SLC35B4: variants seen among roughly 807,000 people sequenced by gnomAD.
SLC35B4 encodes the protein solute carrier family 35 member B4.
Under a neutral mutation model 39.5 loss-of-function variants are expected in SLC35B4, and 28 were observed. The ratio of observed to expected loss-of-function variants is 0.71; its 90% CI spans 0.53 to 0.97. The LOEUF (loss-of-function observed/expected upper bound fraction) is 0.97, where lower values mean the gene tolerates loss of function less well. Among genes scored for constraint, SLC35B4 ranks in the 50% least tolerant of loss-of-function variants. The probability of loss-of-function intolerance (pLI) is 0.00; values close to 1 mark genes in which losing one functional copy is unlikely to be tolerated. For missense variants in SLC35B4, 334 were observed against 414.3 expected, an observed-to-expected ratio of 0.81 and a Z score of 1.68; for synonymous variants, 145 against 150.4, an observed-to-expected ratio of 0.96 and a Z score of 0.26.
chr7:134,297,958 G>A (rs1803503458), intron 8 of SLC35B4, among the ~76,000 whole-genome samples: 1 of 152,124 alleles, frequency 6.6e-6, no homozygotes, highest in Admixed American at 6.5e-5. Context: ...TTTGTGGGAG[G>A]AAATAAGATG....
At chr7:134,306,802 A>G in intron 2 of SLC35B4, 28 bp from the exon 3 acceptor site, 1 of 1,549,784 alleles carries the variant, frequency 6.5e-7, no homozygotes, top group Non-Finnish European at 8.9e-7. Context: ...CAGCTCATCA[A>G]ACAGAATCTA....
chr7:134,294,616 C>T lies in SLC35B4; in HGVS notation c.*217G>A, dbSNP rs2241335. On this transcript the variant is annotated 3_prime_UTR_variant, in exon 10 of 10. Coordinates refer to ENST00000378509, the MANE Select transcript of SLC35B4 (RefSeq NM_032826.5). ...TAAATGAATGGGCTGTTCAATAGTC[C>T]AGAACTGTTCTTTTTTCTATTTTAG... The T allele has an allele frequency of 0.46, 248,674 of 535,064 alleles. 59,567 individuals are homozygous for T. The highest frequency in any genetic ancestry group is 0.56 in the Admixed American group (17,960 of 32,156). 33.1% of individuals were successfully genotyped at this position (535,064 alleles called of 1,614,324 possible).
intron 9 of SLC35B4, among the ~76,000 whole-genome samples, chr7:134,296,078 C>T (rs1211805293): frequency 6.6e-6 from 1 of 152,086 alleles, no homozygotes; most frequent in Non-Finnish European, 1.5e-5. Context: ...ATCTGCCCGC[C>T]TCGGCCTCCT....
Position 134,290,503 on chromosome 7 carries a change from C to T in SLC35B4, c.*4330G>A, listed in dbSNP as rs1205500090. ...GTAAGACATGATCCCTGGCCCCTCC[C>T]ATCCCTGGAATGTCTACTAGGAAGA... On this transcript the variant is annotated 3_prime_UTR_variant, in exon 10 of 10. Coordinates refer to ENST00000378509, the MANE Select transcript of SLC35B4 (RefSeq NM_032826.5). 1 of 152,190 alleles carries T rather than the reference C, an allele frequency of 6.6e-6. No individual in the cohort carries two copies. The highest frequency in any genetic ancestry group is 6.5e-5 in the Admixed American group (1 of 15,282). The allele number at this position is 152,190 out of a possible 1,614,324, so 9.4% of individuals were successfully genotyped here.
chr7:134,310,198 T>C (rs1011717754), intron 1 of SLC35B4, among the ~76,000 whole-genome samples: 2 of 152,222 alleles, frequency 1.3e-5, no homozygotes, highest in Non-Finnish European at 2.9e-5. Context: ...TACTATTCTC[T>C]ACAGCTCTTA....
chr7:134,316,639 C>T (rs374155398), intron 1 of SLC35B4, 36 bp downstream of exon 1: 3 of 1,546,994 alleles, frequency 1.9e-6, no homozygotes, highest in Non-Finnish European at 1.7e-6. Context: ...CCGCCCCGCC[C>T]CGGGAGACCG....
At position 134,294,625 on chromosome 7, in the gene SLC35B4, T is replaced by C; in HGVS notation, c.*208A>G. Reference sequence around the variant, plus strand: ...GGGCTGTTCAATAGTCCAGAACTGTTCTTTTTTCTATTTTAGGGCTGAGGG... The same window carrying C: ...GGGCTGTTCAATAGTCCAGAACTGTCCTTTTTTCTATTTTAGGGCTGAGGG... On this transcript the variant is annotated 3_prime_UTR_variant, in exon 10 of 10. Coordinates refer to ENST00000378509, the MANE Select transcript of SLC35B4 (RefSeq NM_032826.5). The C allele has an allele frequency of 3.6e-6, 2 of 562,256 alleles. No individual in the cohort carries two copies. Among genetic ancestry groups the C allele is most frequent in the Non-Finnish European group, 6.3e-6 (2 of 319,108 alleles). The allele number at this position is 562,256 out of a possible 1,614,324, so 34.8% of individuals were successfully genotyped here.
rs769134685 is a variant in SLC35B4, at chr7:134,306,671, C to T, written c.294+1G>A. 49 of 1,612,288 alleles carry T rather than the reference C, an allele frequency of 3.0e-5. No individual in the cohort carries two copies. Among genetic ancestry groups the T allele is most frequent in the Non-Finnish European group, 3.9e-5 (46 of 1,178,862 alleles). ...TATACACGTGATCCGGCAGCACTTA[C>T]GGATCTAAATATCATATGCAGGGGC... On this transcript the variant is annotated splice_donor_variant, in intron 3 of 9. Transcript: ENST00000378509. LOFTEE classifies it high-confidence loss of function.
At chr7:134,310,314 A>C in intron 1 of SLC35B4, among the ~76,000 whole-genome samples, 1 of 152,208 alleles carries the variant, frequency 6.6e-6, no homozygotes, top group South Asian at 2.1e-4. Context: ...CACATTCAAC[A>C]GTGATTGTTA....
At chr7:134,297,498 A>G (rs369002564) in intron 8 of SLC35B4, among the ~76,000 whole-genome samples, 98 of 152,336 alleles carry the variant, frequency 6.4e-4, no homozygotes, top group African/African-American at 2.3e-3. Flanking sequence ...GGCTACATAA[A>G]CAAAGGCACT....
chr7:134,301,018 C>A (rs779166342), intron 6 of SLC35B4, among the ~76,000 whole-genome samples: 23 of 152,122 alleles, frequency 1.5e-4, no homozygotes, highest in Admixed American at 3.9e-4. Context: ...ATGTTCATAT[C>A]CTTTGCAAAT....
Position 134,316,672 on chromosome 7 carries a change from C to G in SLC35B4, c.77+3G>C. 2 of 1,550,090 alleles carry G rather than the reference C, an allele frequency of 1.3e-6. No homozygotes were observed. Among genetic ancestry groups the G allele is most frequent in the Non-Finnish European group, 1.7e-6 (2 of 1,146,670 alleles). ...CCGGGTGCGGCCCGAGCGGGTCACTCACCGGGCCAGGAGCTCTAGGAAGAT... is the reference window on the plus strand; with the variant it reads ...CCGGGTGCGGCCCGAGCGGGTCACTGACCGGGCCAGGAGCTCTAGGAAGAT... On this transcript the variant is annotated splice_donor_region_variant and intron_variant, in intron 1 of 9. Transcript: ENST00000378509.
intron 1 of SLC35B4, among the ~76,000 whole-genome samples, chr7:134,310,302 C>T (rs2117313970): frequency 6.6e-6 from 1 of 152,184 alleles, no homozygotes; most frequent in East Asian, 1.9e-4. Context: ...GGGAAGATTC[C>T]CCACATTCAA....
intron 8 of SLC35B4, among the ~76,000 whole-genome samples, chr7:134,298,160 C>T (rs1232551903): frequency 6.6e-6 from 1 of 152,108 alleles, no homozygotes; most frequent in Non-Finnish European, 1.5e-5. Context: ...CACATAAAGA[C>T]TAATTTTTGA....
chr7:134,293,951 C>G lies in SLC35B4; in HGVS notation c.*882G>C, dbSNP rs1414468171. On this transcript the variant is annotated 3_prime_UTR_variant, in exon 10 of 10. Transcript: ENST00000378509. ...GGGATTACAGGCATGCGCCATCACA[C>G]CCAGCTAATTTTCGTATTTTTAGTA... 1 of 152,340 alleles carries G rather than the reference C, an allele frequency of 6.6e-6. No individual in the cohort carries two copies. The highest frequency in any genetic ancestry group is 6.5e-5 in the Admixed American group (1 of 15,280). 9.4% of individuals were successfully genotyped at this position (152,340 alleles called of 1,614,324 possible). A position where few individuals can be genotyped will look rare whatever the true frequency, so the allele number is the denominator to read the frequency against.
intron 2 of SLC35B4, 97 bp downstream of exon 2, chr7:134,309,269 T>A (rs1164609089): frequency 1.6e-6 from 1 of 634,698 alleles, no homozygotes; most frequent in African/African-American, 1.9e-5. Context: ...TTGAAATAAA[T>A]CTTATAAAAG....
chr7:134,295,176 C>T, intron 9 of SLC35B4, 97 bp from the exon 10 acceptor site: 3 of 1,489,402 alleles, frequency 2.0e-6, no homozygotes, highest in Non-Finnish European at 2.7e-6. Context: ...TTCTCATATT[C>T]TAAGAAAACA....
intron 9 of SLC35B4, among the ~76,000 whole-genome samples, chr7:134,296,144 C>T (rs1453440197): frequency 6.6e-6 from 1 of 152,170 alleles, no homozygotes; most frequent in East Asian, 1.9e-4. Context: ...AATCAATGGA[C>T]TCCTACACTT....
chr7:134,303,775 CA>C (rs1351622384), intron 4 of SLC35B4, among the ~76,000 whole-genome samples: 1 of 152,130 alleles, frequency 6.6e-6, no homozygotes, highest in Non-Finnish European at 1.5e-5. Context: ...ATAAATTTCC[CA>C]AACTGTATGT....
Sources: gnomAD v4.1 joint callset for allele counts (sites outside exome capture counted in the v4.1 genomes callset) on GRCh38, gnomAD v4.1.1 for gene constraint, MANE v1.5 for transcripts, NCBI Gene and HGNC (gene_info 2026-07-23, HGNC 2026-07-21) for gene names.